CAMSAP1: variants seen among roughly 807,000 people sequenced by gnomAD.
The protein encoded by CAMSAP1 is calmodulin regulated spectrin associated protein 1.
Under a neutral mutation model 143.5 loss-of-function variants are expected in CAMSAP1, and 58 were observed. That is an observed-to-expected ratio of 0.40 (90% CI 0.33 to 0.50). CAMSAP1 has a LOEUF of 0.50. CAMSAP1 is among the 20% of genes least tolerant of loss of function. The pLI is 0.45. For synonymous variants in CAMSAP1, 945 were observed against 859.3 expected, an observed-to-expected ratio of 1.10 and a Z score of -1.74; for missense variants, 1,969 against 2,115.7, an observed-to-expected ratio of 0.93 and a Z score of 1.36.
intron 7 of CAMSAP1, among the ~76,000 whole-genome samples, chr9:135,828,139 G>C (rs7038895): frequency 6.6e-6 from 1 of 152,244 alleles, no homozygotes; most frequent in Admixed American, 6.5e-5. Context: ...TGGCTGGGGC[G>C]CCATTCCCTT....
intron 7 of CAMSAP1, 194 bp downstream of exon 7, chr9:135,849,943 C>T (rs915369249): frequency 2.2e-6 from 1 of 451,590 alleles, no homozygotes; most frequent in Non-Finnish European, 3.9e-6. Context: ...AGCTGTGATT[C>T]GTAACCGAAT....
Position 135,823,019 on chromosome 9 carries a change from C to T in CAMSAP1, c.1642G>A (p.Ala548Thr). Residue 548 changes from alanine to threonine, a missense_variant, in exon 11 of 17, where the codon GCA becomes ACA. Ala to Thr is a moderately conservative substitution (Grantham distance 58, BLOSUM62 0). Transcript: ENST00000389532. ...TCAGCCTGCTGGGGAACCACGTCTGCTCTAACAATAGCCACAAGCTCCTCT... is the reference window on the plus strand; with the variant it reads ...TCAGCCTGCTGGGGAACCACGTCTGTTCTAACAATAGCCACAAGCTCCTCT... ...EEEELVAIVR[A>T]DVVPQQADPE... The T allele has an allele frequency of 6.2e-7, 1 of 1,614,012 alleles. No homozygotes were observed. The highest frequency in any genetic ancestry group is 1.1e-5 in the South Asian group (1 of 91,086).
rs530430291 is a variant in CAMSAP1, at chr9:135,818,045, G to A, written c.4203C>T (p.Ser1401=). ...DNLSRTQSGS[S]LSLASAATTE... Reference sequence around the variant, plus strand: ...TCGTCGCCGCAGAGGCCAAGGACAGGCTGGAGCCTGACTGAGTCCGGCTCA... The same window carrying A: ...TCGTCGCCGCAGAGGCCAAGGACAGACTGGAGCCTGACTGAGTCCGGCTCA... Residue 1401 remains serine (S), a synonymous_variant, in exon 14 of 17, where the codon AGC becomes AGT. Transcript: ENST00000389532. This position sits in a 1 kb window ranked among gnomAD's most constrained non-coding sequence, Gnocchi z 7.7. 1 of 1,613,842 alleles carries A rather than the reference G, an allele frequency of 6.2e-7. No individual in the cohort carries two copies. The highest frequency in any genetic ancestry group is 2.2e-5 in the East Asian group (1 of 44,866).
chr9:135,818,007 C>T lies in CAMSAP1; in HGVS notation c.4241G>A (p.Ser1414Asn), dbSNP rs773470721. 2 of 1,613,960 alleles carry T rather than the reference C, an allele frequency of 1.2e-6. No individual in the cohort carries two copies. The highest frequency in any genetic ancestry group is 3.3e-5 in the Admixed American group (2 of 60,032). The change falls in exon 14 of 17, where the codon AGC (serine) becomes AAC (asparagine). Residue 1414 changes from serine (S) to asparagine (N), a missense_variant. This residue lies in a region of CAMSAP1 where 1,390 missense variants were observed against 1,420.8 expected (regional missense o/e 0.98). Transcript: ENST00000389532. This position sits in a 1 kb window ranked among gnomAD's most constrained non-coding sequence, Gnocchi z 7.7. ...AGAGGGTGTGCCCCCGGAATGAACGCTCTCGGGTTCTGTCGTCGCCGCAGA... is the reference window on the plus strand; with the variant it reads ...AGAGGGTGTGCCCCCGGAATGAACGTTCTCGGGTTCTGTCGTCGCCGCAGA... Reference protein sequence around the residue: ...LASAATTEPESVHSGGTPSQR... With the variant: ...LASAATTEPENVHSGGTPSQR...
At chr9:135,893,996 A>AC (rs1161700133) in intron 1 of CAMSAP1, among the ~76,000 whole-genome samples, 2 of 151,600 alleles carry the variant, frequency 1.3e-5, no homozygotes, top group African/African-American at 2.4e-5. Flanking sequence ...TGTTCTTACG[A>AC]CCCCCCACCC....
Position 135,907,082 on chromosome 9 carries a change from G to A in CAMSAP1, c.78C>T (p.Leu26=), listed in dbSNP as rs1374528522. 133 of 1,160,106 alleles carry A rather than the reference G, an allele frequency of 1.1e-4. No homozygotes were observed. Among genetic ancestry groups the A allele is most frequent in the Non-Finnish European group, 1.4e-4 (128 of 937,210 alleles). The allele number at this position is 1,160,106 out of a possible 1,614,324, so 71.9% of individuals were successfully genotyped here. ...CCGCGTCGTAGCGGTCCAGGGGCACGAGGTCGGCGGCGCCGTCCGGCGGGG... is the reference window on the plus strand; with the variant it reads ...CCGCGTCGTAGCGGTCCAGGGGCACAAGGTCGGCGGCGCCGTCCGGCGGGG... The part of the protein sequence containing the change: ...MEAPPDGAAD[L]VPLDRYDAAR... Residue 26 remains leucine, a synonymous_variant, in exon 1 of 17, where the codon CTC becomes CTT. Coordinates refer to ENST00000389532, the MANE Select transcript of CAMSAP1 (RefSeq NM_015447.4).
chr9:135,901,757 T>G (rs574609519), intron 1 of CAMSAP1, among the ~76,000 whole-genome samples: 1 of 152,064 alleles, frequency 6.6e-6, no homozygotes, highest in African/African-American at 2.4e-5. Flanking sequence ...CGGCACGACA[T>G]CCCCCTACTT....
intron 7 of CAMSAP1, among the ~76,000 whole-genome samples, chr9:135,843,660 A>AGGAGATC (rs1384994620): frequency 5.9e-5 from 9 of 151,984 alleles, no homozygotes; most frequent in African/African-American, 2.2e-4. Context: ...TCACGAGGTC[A>AGGAGATC]GGAGATCGAG....
intron 1 of CAMSAP1, among the ~76,000 whole-genome samples, chr9:135,902,321 A>G (rs1276671568): frequency 6.6e-6 from 1 of 152,232 alleles, no homozygotes; most frequent in Non-Finnish European, 1.5e-5. Context: ...AAATGTGGCA[A>G]TGTGCTTACA....
At position 135,826,934 on chromosome 9, in the gene CAMSAP1, T is replaced by C. The variant is rs1175718381; in HGVS notation, c.1223+473A>G. On this transcript the variant is annotated intron_variant, in intron 8 of 16. Transcript: ENST00000389532. The surrounding 1 kb of genome is among the most constrained non-coding windows in gnomAD (Gnocchi z 4.4). ...AAACAACTCTTTTTCTAGAGTAGTT[T>C]AGCCTTTAAGCAGCTCTATACACTT... Among the ~76,000 whole-genome samples the C allele has an allele frequency of 6.6e-6, 1 of 152,250 alleles. No individual in the cohort carries two copies. Among genetic ancestry groups the C allele is most frequent in the Non-Finnish European group, 1.5e-5 (1 of 68,042 alleles).
At chr9:135,827,641 A>C in intron 7 of CAMSAP1, 57 bp from the exon 8 acceptor site, 1 of 1,415,098 alleles carries the variant, frequency 7.1e-7, no homozygotes, top group Non-Finnish European at 9.4e-7. Context: ...AGCACAGAAA[A>C]CCTAACCTGC....
chr9:135,827,713 T>A (rs1835728123), intron 7 of CAMSAP1, 129 bp from the exon 8 acceptor site: 2 of 857,000 alleles, frequency 2.3e-6, no homozygotes. Context: ...AAAAAACTGG[T>A]TTCAAGTTTA....
intron 7 of CAMSAP1, among the ~76,000 whole-genome samples, chr9:135,844,381 TAAA>T (rs1343846283): frequency 2.0e-5 from 3 of 152,106 alleles, no homozygotes; most frequent in Non-Finnish European, 4.4e-5. Flanking sequence ...AAGGCAGAAA[TAAA>T]GAAGTTCTTT....
At chr9:135,840,184 G>A (rs1836288081) in intron 7 of CAMSAP1, among the ~76,000 whole-genome samples, 1 of 152,208 alleles carries the variant, frequency 6.6e-6, no homozygotes, top group African/African-American at 2.4e-5. Flanking sequence ...TAGGGTTTCA[G>A]CAGGCATCAC....
At chr9:135,865,304 G>A (rs1837336100) in intron 4 of CAMSAP1, 2 of 1,550,086 alleles carry the variant, frequency 1.3e-6, no homozygotes, top group African/African-American at 2.7e-5. Flanking sequence ...CTCTGTAGAT[G>A]GCAGCTGGCG....
At chr9:135,906,837 C>A (rs529734176) in intron 1 of CAMSAP1, among the ~76,000 whole-genome samples, 163 bp downstream of exon 1, 2 of 151,834 alleles carry the variant, frequency 1.3e-5, no homozygotes, top group East Asian at 1.9e-4. Context: ...CCGCGTTGCC[C>A]GGGCGCCGCC....
intron 7 of CAMSAP1, among the ~76,000 whole-genome samples, chr9:135,831,111 G>A (rs2131683761): frequency 6.6e-6 from 1 of 152,308 alleles, no homozygotes; most frequent in East Asian, 1.9e-4. Flanking sequence ...GGCGGAGGCT[G>A]CAGTGAGCCG....
chr9:135,903,944 G>A (rs185212508), intron 1 of CAMSAP1, among the ~76,000 whole-genome samples: 4 of 152,288 alleles, frequency 2.6e-5, no homozygotes, highest in Non-Finnish European at 5.9e-5. Context: ...GGGTAGCAGC[G>A]AATCTCACAC....
At chr9:135,815,325 G>T (rs1016978884) in intron 15 of CAMSAP1, 110 bp from the exon 16 acceptor site, 7 of 531,110 alleles carry the variant, frequency 1.3e-5, no homozygotes, top group South Asian at 3.6e-5. Context: ...CTGAATTACA[G>T]ATATTTATGA....
Sources: allele counts gnomAD v4.1 joint callset (sites outside exome capture counted in the v4.1 genomes callset), GRCh38; gene constraint gnomAD v4.1.1; regional missense constraint gnomAD v4.1.1; non-coding constraint Gnocchi (gnomAD v3.1); transcripts MANE v1.5; gene names NCBI Gene and HGNC (gene_info 2026-07-23, HGNC 2026-07-21).